LILRB4: variants seen among roughly 807,000 people sequenced by gnomAD.
The protein encoded by LILRB4 is leukocyte immunoglobulin like receptor B4.
A neutral mutation model predicts 55.2 loss-of-function variants in LILRB4; 49 were observed. The ratio of observed to expected loss-of-function variants is 0.89; its 90% confidence interval spans 0.71 to 1.13. LILRB4 has a LOEUF of 1.13. Ranked by LOEUF, LILRB4 falls within the 50% of genes most tolerant of loss-of-function variation. The probability of loss-of-function intolerance (pLI) is 0.00; values close to 1 mark genes in which losing one functional copy is unlikely to be tolerated. For synonymous variants in LILRB4, 229 were observed against 213.8 expected, an observed-to-expected ratio of 1.07 and a Z score of -0.62; for missense variants, 590 against 555.2, an observed-to-expected ratio of 1.06 and a Z score of -0.63.
At position 54,666,195 on chromosome 19, in the gene LILRB4, G is replaced by A. The variant is rs764331947; in HGVS notation, c.875-45G>A. 2 of 1,515,426 alleles carry A rather than the reference G, an allele frequency of 1.3e-6. No homozygotes were observed. Among genetic ancestry groups the A allele is most frequent in the South Asian group, 1.3e-5 (1 of 77,734 alleles). The allele number at this position is 1,515,426 out of a possible 1,614,324, so 93.9% of individuals were successfully genotyped here. A position where few individuals can be genotyped will look rare whatever the true frequency, so the allele number is the denominator to read the frequency against. On this transcript the variant is annotated intron_variant, in intron 7 of 11. Coordinates refer to ENST00000430952, the Ensembl canonical transcript of LILRB4. This position sits in a 1 kb window ranked among gnomAD's most constrained non-coding sequence, Gnocchi z 4.8. ...CTTGACTTGCATGTGCAAGGCAGGTGGTTCTAACGTTCCCAGAGCTGAGAC... is the reference window on the plus strand; with the variant it reads ...CTTGACTTGCATGTGCAAGGCAGGTAGTTCTAACGTTCCCAGAGCTGAGAC...
At chr19:54,663,187 C>G in intron 1 of LILRB4, 120 bp downstream of exon 1, 1 of 1,171,806 alleles carries the variant, frequency 8.5e-7, no homozygotes, top group Non-Finnish European at 1.2e-6. Context: ...TGGCTCACGC[C>G]TGTAATCCCA....
In LILRB4 at chr19:54,665,231, G is replaced by C; in HGVS notation, c.757+51G>C. On this transcript the variant is annotated intron_variant, in intron 6 of 11. Coordinates refer to ENST00000430952, the Ensembl canonical transcript of LILRB4. The surrounding 1 kb of genome is among the most constrained non-coding windows in gnomAD (Gnocchi z 5.5). ...GTGGGCAGGGTCTAGGGGAGCCAAG[G>C]GTGGGTTCTGTCCTAGGTTAAGGCT... 6.5e-7 allele frequency: 1 copy of C among 1,540,148 alleles called. No individual in the cohort carries two copies. Among genetic ancestry groups the C allele is most frequent in the Non-Finnish European group, 8.8e-7 (1 of 1,136,644 alleles).
In LILRB4 at chr19:54,663,529, C is replaced by T; in HGVS notation, c.35-3C>T. The T allele has an allele frequency of 6.2e-7, 1 of 1,613,034 alleles. No individual in the cohort carries two copies. ...AAATCCCTCACAGGGAACTCTCTTCCAGGGCTGAGTCTGGGCCCCAGGACC... is the reference window on the plus strand; with the variant it reads ...AAATCCCTCACAGGGAACTCTCTTCTAGGGCTGAGTCTGGGCCCCAGGACC... On this transcript the variant is annotated splice_region_variant and splice_polypyrimidine_tract_variant and intron_variant, in intron 1 of 11. Transcript: ENST00000430952.
exon 3 of LILRB4, chr19:54,663,850 G>C (rs1265223301): frequency 6.2e-7 from 1 of 1,613,980 alleles, no homozygotes; most frequent in East Asian, 2.2e-5. Flanking sequence ...CTGGAGGCTC[G>C]GGAGTACCGT....
chr19:54,666,130 TA>T lies in LILRB4; in HGVS notation c.875-106del. 7.8e-7 allele frequency: 1 copy of T among 1,280,514 alleles called. No homozygotes were observed. The highest frequency in any genetic ancestry group is 1.1e-6 in the Non-Finnish European group (1 of 921,062). 79.3% of individuals were successfully genotyped at this position (1,280,514 alleles called of 1,614,324 possible). On this transcript the variant is annotated intron_variant, in intron 7 of 11. Transcript: ENST00000430952. This position sits in a 1 kb window ranked among gnomAD's most constrained non-coding sequence, Gnocchi z 4.8. ...GGTTTTTCTAAACTTAGAAAGTATTTAAAACATCCTTGCAAGTGTATTTTCA... is the reference window on the plus strand; with the variant it reads ...GGTTTTTCTAAACTTAGAAAGTATTTAAACATCCTTGCAAGTGTATTTTCA...
intron 10 of LILRB4, chr19:54,667,009 A>T: frequency 1.5e-6 from 1 of 686,430 alleles, no homozygotes. Flanking sequence ...AGGCCTCAGG[A>T]GGATGACGAA....
At chr19:54,663,782 T>A (rs748161451) in exon 3 of LILRB4, 2 of 1,614,096 alleles carry the variant, frequency 1.2e-6, no homozygotes, top group African/African-American at 2.7e-5. Context: ...CCCTCTGGGC[T>A]GAGCCAGGCT....
exon 11 of LILRB4, chr19:54,667,737 G>A (rs2065355662): frequency 1.2e-6 from 2 of 1,611,480 alleles, no homozygotes; most frequent in East Asian, 4.5e-5. Context: ...ACTGTCTGGG[G>A]AATTCCTGGA....
At position 54,667,802 on chromosome 19, in the gene LILRB4, T is replaced by A. The variant is rs540762423; in HGVS notation, c.1197+9T>A. ...GACAGATGGACACTGAGGTGAGTCC[T>A]TTCCTCTCCAGGCCCCCAGGCCTCC... On this transcript the variant is annotated intron_variant, in intron 11 of 11. Transcript: ENST00000430952. The A allele has an allele frequency of 6.2e-7, 1 of 1,610,826 alleles. No homozygotes were observed. The highest frequency in any genetic ancestry group is 8.5e-7 in the Non-Finnish European group (1 of 1,179,102).
intron 10 of LILRB4, 76 bp from the exon 11 acceptor site, chr19:54,667,559 C>T (rs1246050832): frequency 1.3e-6 from 2 of 1,593,788 alleles, no homozygotes; most frequent in Non-Finnish European, 1.7e-6. Flanking sequence ...TCGGATCACC[C>T]TGGGAACAGT....
At chr19:54,663,207 G>A in intron 1 of LILRB4, 140 bp downstream of exon 1, 1 of 981,612 alleles carries the variant, frequency 1.0e-6, no homozygotes, top group Admixed American at 2.8e-5. Context: ...AGCACTTTGG[G>A]AGGCCGAGGC....
chr19:54,664,089 G>T, intron 3 of LILRB4, 51 bp downstream of exon 3: 1 of 1,604,530 alleles, frequency 6.2e-7, no homozygotes, highest in Non-Finnish European at 8.5e-7. Flanking sequence ...TCAGGAAGGG[G>T]GTCAGCTCTC....
rs376420512 is a variant in LILRB4, at chr19:54,664,380, C to T, written c.550C>T (p.Pro184Ser). The T allele has an allele frequency of 8.1e-6, 13 of 1,613,826 alleles. No homozygotes were observed. The African/African-American group carries it at 1.5e-4, about 18-fold the overall frequency. ...GCACCAGGCTGAATTCCCCATGAGT[C>T]CTGTGACCTCAGTGCACGGGGGGAC... is the stretch of plus-strand genomic sequence containing the variant. Residue 184 changes from proline (P) to serine (S), a missense_variant, in exon 4 of 12, where the codon CCT becomes TCT. Pro to Ser is a moderately conservative substitution (Grantham distance 74). Transcript: ENST00000430952.
chr19:54,663,547 C>T (rs141009917), exon 2 of LILRB4: 246 of 1,613,452 alleles, frequency 1.5e-4, no homozygotes, highest in Non-Finnish European at 1.9e-4. Flanking sequence ...AGTCTGGGCC[C>T]CAGGACCCAC....
In LILRB4 at chr19:54,666,352, C is replaced by G; in HGVS notation, c.950+37C>G. On this transcript the variant is annotated intron_variant, in intron 8 of 11. Coordinates refer to ENST00000430952, the Ensembl canonical transcript of LILRB4. This position sits in a 1 kb window ranked among gnomAD's most constrained non-coding sequence, Gnocchi z 4.8. ...CAAAGACCTCAGACTCCCACCCATC[C>G]CAACAGCCACCTCACTGTCCCCTTA... The G allele has an allele frequency of 6.2e-7, 1 of 1,611,170 alleles. No individual in the cohort carries two copies. The highest frequency in any genetic ancestry group is 8.5e-7 in the Non-Finnish European group (1 of 1,178,400).
Position 54,665,031 on chromosome 19 carries a change from G to A in LILRB4, c.707-99G>A. On this transcript the variant is annotated intron_variant, in intron 5 of 11. Transcript: ENST00000430952. The surrounding 1 kb of genome is among the most constrained non-coding windows in gnomAD (Gnocchi z 5.5). ...AAGGCCCTGAGGCTGGGCTGGTGAG[G>A]GGTGAGGGGGTCAAGGCTGAAGGAG... is the stretch of plus-strand genomic sequence containing the variant. 4.7e-6 allele frequency: 7 copies of A among 1,491,268 alleles called. No homozygotes were observed. The highest frequency in any genetic ancestry group is 6.5e-6 in the Non-Finnish European group (7 of 1,076,570). 92.4% of individuals were successfully genotyped at this position (1,491,268 alleles called of 1,614,324 possible).
At chr19:54,664,205 C>G in exon 4 of LILRB4, 6 of 1,613,560 alleles carry the variant, frequency 3.7e-6, no homozygotes, top group East Asian at 2.2e-5. Flanking sequence ...GTAAACCCAC[C>G]CTTTCAGCCC....
exon 12 of LILRB4, chr19:54,668,063 C>A (rs2065380654): frequency 6.2e-7 from 1 of 1,610,362 alleles, no homozygotes; most frequent in East Asian, 2.2e-5. Context: ...GACTCAGGAC[C>A]CCAGAAGGCA....
rs55733143 is a variant in LILRB4, at chr19:54,663,839, C to T, written c.156C>T (p.Thr52=). 4,760 of 1,614,118 alleles carry T rather than the reference C, an allele frequency of 2.9e-3. 90 individuals carry two copies. In the South Asian group the frequency reaches 0.03, roughly 10 times the overall value. Residue 52 remains threonine (T), a synonymous_variant, in exon 3 of 12, where the codon ACC becomes ACT. Coordinates refer to ENST00000430952, the Ensembl canonical transcript of LILRB4. The stretch of plus-strand genomic sequence containing the variant: ...CTGTGACCATCTGGTGTCAGGGGAC[C>T]CTGGAGGCTCGGGAGTACCGTCTGG...
Sources: allele counts gnomAD v4.1 joint callset, GRCh38; gene constraint gnomAD v4.1.1; non-coding constraint Gnocchi (gnomAD v3.1); transcripts MANE v1.5; gene names NCBI Gene and HGNC (gene_info 2026-07-23, HGNC 2026-07-21).